Variants in ANKHD1 observed in about 807,000 individuals in gnomAD.
ANKHD1 encodes ankyrin repeat and KH domain containing 1.
A neutral mutation model predicts 230.5 loss-of-function variants in ANKHD1; 31 were observed. The ratio of observed to expected loss-of-function variants is 0.13; its 90% CI spans 0.10 to 0.18. The LOEUF (loss-of-function observed/expected upper bound fraction) is 0.18, where lower values mean the gene tolerates loss of function less well. ANKHD1 is among the 10% of genes least tolerant of loss of function. The probability of loss-of-function intolerance (pLI) is 1.00; values close to 1 mark genes in which losing one functional copy is unlikely to be tolerated. For synonymous variants in ANKHD1, 1,074 were observed against 1,117.6 expected (o/e 0.96, Z 0.78); for missense variants, 2,256 against 3,071.3 (o/e 0.73, Z 6.27).
At chr5:140,437,926 G>A (rs1773572250) in intron 2 of ANKHD1, among the ~76,000 whole-genome samples, 1 of 152,108 alleles carries the variant, frequency 6.6e-6, no homozygotes, top group Non-Finnish European at 1.5e-5. Context: ...CTTTATAAAT[G>A]ACGATATAAA....
chr5:140,511,026 A>T (rs143935500), intron 22 of ANKHD1, among the ~76,000 whole-genome samples: 3 of 151,920 alleles, frequency 2.0e-5, no homozygotes, highest in African/African-American at 7.3e-5. Flanking sequence ...AGGTCTTGCT[A>T]TGTTGCCCAG....
rs1402776424 is a variant in ANKHD1, at chr5:140,485,947, C to T, written c.2142+215C>T. ...TATTGAGAATAGTGGTTTTTAAAAA[C>T]CACTTAATATCAAATATAAACGTAA... On this transcript the variant is annotated intron_variant, in intron 13 of 33. Transcript: ENST00000360839. This position sits in a 1 kb window ranked among gnomAD's most constrained non-coding sequence, Gnocchi z 4.8. The T allele has an allele frequency of 1.7e-5, 10 of 600,514 alleles. No individual in the cohort carries two copies. The highest frequency in any genetic ancestry group is 2.7e-5 in the Non-Finnish European group (10 of 375,114). 37.2% of individuals were successfully genotyped at this position (600,514 alleles called of 1,614,324 possible).
chr5:140,525,224 T>G (rs1753548752), intron 25 of ANKHD1, among the ~76,000 whole-genome samples: 1 of 152,140 alleles, frequency 6.6e-6, no homozygotes, highest in Non-Finnish European at 1.5e-5. Context: ...TAACAACAAA[T>G]AATAGTAAAT....
In ANKHD1 at chr5:140,445,760, A is replaced by C. The variant is rs372026805; in HGVS notation, c.932A>C (p.Tyr311Ser). Residue 311 changes from tyrosine (Y) to serine (S), a missense_variant, in exon 6 of 34, where the codon TAT becomes TCT. Around this residue, in one of 13 missense-constraint regions of ANKHD1, gnomAD observed 206 missense variants for 304.5 expected, o/e 0.68. Transcript: ENST00000360839. ...TTTTTAGGAAACACTGCGCTAACTT[A>C]TGCATGTGCTGGAGGATTTGTTGAC... Reference protein sequence around the residue: ...QSATGNTALTYACAGGFVDIV... With the variant: ...QSATGNTALTSACAGGFVDIV... The C allele has an allele frequency of 6.2e-7, 1 of 1,604,514 alleles. No homozygotes were observed. The highest frequency in any genetic ancestry group is 8.5e-7 in the Non-Finnish European group (1 of 1,174,494).
chr5:140,514,337 A>G (rs924533365), intron 24 of ANKHD1, among the ~76,000 whole-genome samples: 10 of 151,560 alleles, frequency 6.6e-5, no homozygotes, highest in Non-Finnish European at 8.8e-5. Context: ...TCTACAAAAA[A>G]CAAAAAATTA....
At chr5:140,403,981 C>T (rs1244695697) in intron 1 of ANKHD1, among the ~76,000 whole-genome samples, 2 of 151,984 alleles carry the variant, frequency 1.3e-5, no homozygotes, top group Non-Finnish European at 2.9e-5. Flanking sequence ...ACATTCTGAC[C>T]CTAACATTTT....
rs1045268679 is a variant in ANKHD1 at position 140,501,411 on chromosome 5, GT to G, written c.3005-3408del. On this transcript the variant is annotated intron_variant, in intron 15 of 33. Transcript: ENST00000360839. Reference sequence around the variant, plus strand: ...TATTTACATAGAACTATTTAATAAAGTTACCAATACATAAAACAGATTACAG... The same window carrying G: ...TATTTACATAGAACTATTTAATAAAGTACCAATACATAAAACAGATTACAG... Among the ~76,000 whole-genome samples, 137 of 151,968 alleles carry G rather than the reference GT, an allele frequency of 9.0e-4. 4 individuals carry two copies. The highest frequency in any genetic ancestry group is 3.4e-4 in the Non-Finnish European group (23 of 67,972).
chr5:140,464,598 T>G (rs1775957168), intron 9 of ANKHD1, 69 bp from the exon 10 acceptor site: 2 of 1,303,596 alleles, frequency 1.5e-6, no homozygotes, highest in South Asian at 4.3e-5. Context: ...TTTCACCAGA[T>G]TGCAAAATTG....
At chr5:140,428,124 T>C (rs1442075762) in intron 1 of ANKHD1, among the ~76,000 whole-genome samples, 2 of 145,990 alleles carry the variant, frequency 1.4e-5, no homozygotes, top group African/African-American at 5.2e-5. Context: ...GGATGGCGGC[T>C]GGGCAGAGAC....
chr5:140,515,687 C>T (rs949796993), intron 24 of ANKHD1, among the ~76,000 whole-genome samples: 1 of 152,242 alleles, frequency 6.6e-6, no homozygotes, highest in Non-Finnish European at 1.5e-5. Context: ...CAGGGTCAGA[C>T]TGACACCTCA....
chr5:140,406,853 T>C (rs1225920094), intron 1 of ANKHD1, among the ~76,000 whole-genome samples: 2 of 151,816 alleles, frequency 1.3e-5, no homozygotes, highest in African/African-American at 2.4e-5. Context: ...ATTTTAAACA[T>C]TGGGGTAAAT....
chr5:140,526,037 A>T lies in ANKHD1; in HGVS notation c.4534A>T (p.Thr1512Ser), dbSNP rs1301066908. The T allele has an allele frequency of 6.2e-7, 1 of 1,603,962 alleles. No homozygotes were observed. Among genetic ancestry groups the T allele is most frequent in the African/African-American group, 1.4e-5 (1 of 73,950 alleles). Residue 1512 changes from threonine (T) to serine (S), a missense_variant, in exon 26 of 34, where the codon ACC becomes TCC. Coordinates refer to ENST00000360839, the MANE Select transcript of ANKHD1 (RefSeq NM_017747.3). Reference sequence around the variant, plus strand: ...CATAGAACCTCCTAGTGCAACCACCACCACTACGATTGGAATCTCTGCAAC... The same window carrying T: ...CATAGAACCTCCTAGTGCAACCACCTCCACTACGATTGGAATCTCTGCAAC... ...VPIEPPSATT[T>S]TTIGISATSA... is the part of the protein sequence containing the mutation.
At chr5:140,433,046 C>T (rs1276132037) in intron 1 of ANKHD1, among the ~76,000 whole-genome samples, 1 of 151,010 alleles carries the variant, frequency 6.6e-6, no homozygotes, top group South Asian at 2.1e-4. Flanking sequence ...CTCCAAGCCC[C>T]ACCCCCTTCC....
At chr5:140,531,867 A>G (rs1435964965) in intron 29 of ANKHD1, among the ~76,000 whole-genome samples, 2 of 152,208 alleles carry the variant, frequency 1.3e-5, no homozygotes, top group African/African-American at 2.4e-5. Flanking sequence ...AAGCAGATAA[A>G]CAAAATGTGG....
intron 20 of ANKHD1, among the ~76,000 whole-genome samples, chr5:140,509,011 C>G (rs1016968908): frequency 6.6e-6 from 1 of 152,086 alleles, no homozygotes; most frequent in Non-Finnish European, 1.5e-5. Context: ...CGTACTTCTT[C>G]CCTGAAATTC....
intron 33 of ANKHD1, 121 bp from the exon 34 acceptor site, chr5:140,539,238 T>C (rs1377518765): frequency 1.3e-6 from 2 of 1,548,848 alleles, no homozygotes; most frequent in African/African-American, 2.8e-5. Context: ...GAACACTTTA[T>C]TTAATATATG....
At chr5:140,441,861 A>T (rs535890780) in intron 5 of ANKHD1, among the ~76,000 whole-genome samples, 1 of 152,126 alleles carries the variant, frequency 6.6e-6, no homozygotes, top group African/African-American at 2.4e-5. Flanking sequence ...TCTTATAACA[A>T]CATGTCATAT....
In ANKHD1 at chr5:140,485,468, TATAAAA is replaced by T; in HGVS notation, c.1999-117_1999-112del. 5.2e-6 allele frequency: 7 copies of T among 1,355,568 alleles called. No homozygotes were observed. Among genetic ancestry groups the T allele is most frequent in the Non-Finnish European group, 6.9e-6 (7 of 1,019,486 alleles). 84.0% of individuals were successfully genotyped at this position (1,355,568 alleles called of 1,614,324 possible). ...TATATATAAATAATATGTGTATAGT[TATAAAA>T]ATATGTTTGATCTATCTTAGTGCTT... is the stretch of plus-strand genomic sequence containing the variant. On this transcript the variant is annotated intron_variant, in intron 12 of 33. Transcript: ENST00000360839. This position sits in a 1 kb window ranked among gnomAD's most constrained non-coding sequence, Gnocchi z 4.8.
intron 21 of ANKHD1, 24 bp downstream of exon 21, chr5:140,509,836 A>G: frequency 1.9e-6 from 3 of 1,589,164 alleles, no homozygotes; most frequent in South Asian, 1.2e-5. Context: ...TATTATATGT[A>G]GAACTTCTCA....
Sources: gnomAD v4.1 joint callset for allele counts (sites outside exome capture counted in the v4.1 genomes callset) on GRCh38, gnomAD v4.1.1 for gene constraint, gnomAD v4.1.1 regional missense constraint, Gnocchi (gnomAD v3.1) non-coding constraint, MANE v1.5 for transcripts, NCBI Gene and HGNC (gene_info 2026-07-23, HGNC 2026-07-21) for gene names.